Variants in CD96 observed in about 807,000 individuals in gnomAD.
CD96 encodes the protein T-cell surface protein tactile.
CD96 carries 70 observed loss-of-function variants against 71.3 expected under a neutral mutation model. The ratio of observed to expected loss-of-function variants is 0.98; its 90% CI spans 0.81 to 1.20. The LOEUF (loss-of-function observed/expected upper bound fraction) is 1.20. Ranked by LOEUF, CD96 falls within the 50% of genes most tolerant of loss-of-function variation. CD96 has a pLI of 0.00. For synonymous variants in CD96, 248 were observed against 233.0 expected, an observed-to-expected ratio of 1.06 and a Z score of -0.59; for missense variants, 742 against 677.5, an observed-to-expected ratio of 1.10 and a Z score of -1.06.
intron 2 of CD96, among the ~76,000 whole-genome samples, chr3:111,552,874 A>G (rs1275040194): frequency 6.6e-6 from 1 of 152,172 alleles, no homozygotes; most frequent in African/African-American, 2.4e-5. Context: ...AAAACTCTAA[A>G]CAATATACAA....
At chr3:111,663,627 A>G (rs1940407532) in intron 14 of CD96, among the ~76,000 whole-genome samples, 2 of 152,186 alleles carry the variant, frequency 1.3e-5, no homozygotes, top group African/African-American at 2.4e-5. Context: ...CAACATCACT[A>G]ATCATTAGAG....
intron 10 of CD96, among the ~76,000 whole-genome samples, chr3:111,635,835 G>T (rs1939301394): frequency 6.6e-6 from 1 of 152,078 alleles, no homozygotes; most frequent in Non-Finnish European, 1.5e-5. Flanking sequence ...AAGACATCAA[G>T]GTCAGAAAGT....
intron 14 of CD96, among the ~76,000 whole-genome samples, chr3:111,663,903 C>A (rs554809066): frequency 3.3e-5 from 5 of 152,170 alleles, no homozygotes; most frequent in Non-Finnish European, 7.4e-5. Flanking sequence ...TGCCTGCCAC[C>A]ACACGCCCAG....
At chr3:111,658,518 T>G (rs981392543) in intron 14 of CD96, among the ~76,000 whole-genome samples, 4 of 152,214 alleles carry the variant, frequency 2.6e-5, no homozygotes, top group Admixed American at 2.6e-4. Flanking sequence ...GTTGAGGAAA[T>G]TTTGATGAAG....
chr3:111,579,897 C>T (rs1936390733), intron 4 of CD96, among the ~76,000 whole-genome samples: 1 of 152,210 alleles, frequency 6.6e-6, no homozygotes. Context: ...CCATAACAGA[C>T]AGAACAATTT....
At chr3:111,566,898 T>C (rs1226862895) in intron 2 of CD96, among the ~76,000 whole-genome samples, 1 of 152,182 alleles carries the variant, frequency 6.6e-6, no homozygotes, top group Admixed American at 6.5e-5. Context: ...ACTATAACTG[T>C]GGACACATGT....
In CD96 at chr3:111,647,622, G is replaced by T; in HGVS notation, c.1557G>T (p.Leu519Phe). 1 of 1,611,930 alleles carries T rather than the reference G, an allele frequency of 6.2e-7. No individual in the cohort carries two copies. The highest frequency in any genetic ancestry group is 8.5e-7 in the Non-Finnish European group (1 of 1,178,124). ...VAALLFCCMI[L>F]FGLGVRKWCQ... ...CTTTACTCTTTTGCTGCATGATATT[G>T]TTTGGTCTTGGAGTGAGAAAATGGT... The change falls in exon 13 of 14, where the codon TTG (leucine) becomes TTT (phenylalanine). Residue 519 changes from leucine to phenylalanine, a missense_variant. Leu to Phe is a conservative substitution (Grantham distance 22). Transcript: ENST00000352690.
intron 5 of CD96, among the ~76,000 whole-genome samples, chr3:111,586,037 T>A (rs1003128556): frequency 3.9e-5 from 6 of 152,196 alleles, no homozygotes; most frequent in African/African-American, 1.4e-4. Context: ...CCCATCTATA[T>A]GAAGTGAATA....
In CD96 at chr3:111,551,879, C is replaced by T. The variant is rs182146102; in HGVS notation, c.418+6477C>T. 9.2e-5 allele frequency among the ~76,000 whole-genome samples: 14 copies of T among 152,258 alleles called. 1 individual carries two copies. The East Asian group carries it at 2.7e-3, about 29-fold the overall frequency. On this transcript the variant is annotated intron_variant, in intron 2 of 13. Coordinates refer to ENST00000352690, the MANE Select transcript of CD96 (RefSeq NM_005816.5). ...GGTCTTTGACGAATGGCCACACTGTCTTCCACAATGGCTGAACTAATTTAC... is the reference window on the plus strand; with the variant it reads ...GGTCTTTGACGAATGGCCACACTGTTTTCCACAATGGCTGAACTAATTTAC...
At chr3:111,567,789 G>A (rs1219367045) in intron 3 of CD96, 142 bp downstream of exon 3, 1 of 764,756 alleles carries the variant, frequency 1.3e-6, no homozygotes, top group East Asian at 2.6e-5. Flanking sequence ...GGGTAGGGAA[G>A]GAAGGAGAGG....
chr3:111,593,927 T>C lies in CD96; in HGVS notation c.808-4193T>C, dbSNP rs752627605. ...CTTCCACAGTGCAGTGGTGCCCACG[T>C]TGACCCCAGGGCCACGGCTCACCTG... On this transcript the variant is annotated intron_variant, in intron 5 of 13. Coordinates refer to ENST00000352690, the MANE Select transcript of CD96 (RefSeq NM_005816.5). 3 of 1,613,878 alleles carry C rather than the reference T, an allele frequency of 1.9e-6. No homozygotes were observed. The Admixed American group carries it at 5.0e-5, about 27-fold the overall frequency.
chr3:111,638,287 G>C, intron 12 of CD96, 119 bp downstream of exon 12: 2 of 749,988 alleles, frequency 2.7e-6, no homozygotes, highest in Non-Finnish European at 4.9e-6. Context: ...GAACACACTG[G>C]CTTTTTGAAG....
At chr3:111,637,929 G>T in intron 11 of CD96, 150 bp from the exon 12 acceptor site, 3 of 644,218 alleles carry the variant, frequency 4.7e-6, no homozygotes, top group Middle Eastern at 2.5e-4. Context: ...GCTATAAATT[G>T]GTTCTTAATA....
At chr3:111,639,245 C>A (rs1047957220) in intron 12 of CD96, among the ~76,000 whole-genome samples, 22 of 152,294 alleles carry the variant, frequency 1.4e-4, no homozygotes, top group African/African-American at 5.3e-4. Flanking sequence ...AAGCCCATCT[C>A]GCCCTCCACC....
chr3:111,571,044 G>C (rs1006561473), intron 3 of CD96: 9 of 1,165,930 alleles, frequency 7.7e-6, no homozygotes, highest in African/African-American at 1.5e-5. Context: ...GTAGGAGGGA[G>C]GTCCCTCCAG....
rs117845714 is a variant in CD96 at position 111,605,942 on chromosome 3, A to G, written c.1088-758A>G. 5.5e-4 allele frequency among the ~76,000 whole-genome samples: 84 copies of G among 152,336 alleles called. 1 individual carries two copies. In the East Asian group the frequency reaches 0.013, roughly 23 times the overall value. On this transcript the variant is annotated intron_variant, in intron 7 of 13. Transcript: ENST00000352690. ...CATAAAATCTTCTAACTTCAAAATC[A>G]TCTAAGCACATTTAACCCACATGTT...
At chr3:111,663,532 T>A (rs1371842436) in intron 14 of CD96, among the ~76,000 whole-genome samples, 3 of 151,818 alleles carry the variant, frequency 2.0e-5, no homozygotes, top group Admixed American at 2.0e-4. Flanking sequence ...AAAAAACAAC[T>A]CCTTTTAAAA....
intron 5 of CD96, chr3:111,594,405 A>T (rs1356263396): frequency 1.3e-5 from 7 of 550,854 alleles, no homozygotes; most frequent in Non-Finnish European, 1.9e-5. Flanking sequence ...GTCAGATACA[A>T]GCAAAACAGC....
chr3:111,624,548 A>G lies in CD96; in HGVS notation c.1321+144A>G, dbSNP rs182644262. 126 of 669,714 alleles carry G rather than the reference A, an allele frequency of 1.9e-4. No individual in the cohort carries two copies. The Admixed American group carries it at 2.7e-3, about 14-fold the overall frequency. The allele number at this position is 669,714 out of a possible 1,614,324, so 41.5% of individuals were successfully genotyped here. On this transcript the variant is annotated intron_variant, in intron 10 of 13. Transcript: ENST00000352690. ...TCTATCATGTTTAAAGTATTGTTGT[A>G]GATTCTGAGACTACACCCATGGACA...
Sources: gnomAD v4.1 joint callset for allele counts (sites outside exome capture counted in the v4.1 genomes callset) on GRCh38, gnomAD v4.1.1 for gene constraint, MANE v1.5 for transcripts, NCBI Gene and HGNC (gene_info 2026-07-23, HGNC 2026-07-21) for gene names.